GNAL: variants seen among roughly 807,000 people sequenced by gnomAD.
GNAL encodes guanine nucleotide-binding protein G(olf) subunit alpha.
A neutral mutation model predicts 55.1 loss-of-function variants in GNAL; 18 were observed. The observed-to-expected ratio is 0.33, with a 90% CI of 0.23 to 0.48. The LOEUF is 0.48. GNAL is among the 20% of genes least tolerant of loss of function. The probability of loss-of-function intolerance (pLI) is 0.99; values close to 1 mark genes in which losing one functional copy is unlikely to be tolerated. For missense variants in GNAL, 412 were observed against 614.1 expected (o/e 0.67, Z 3.48); for synonymous variants, 253 against 237.0 (o/e 1.07, Z -0.62).
intron 4 of GNAL, among the ~76,000 whole-genome samples, chr18:11,793,942 T>G (rs2034308418): frequency 6.6e-6 from 1 of 150,666 alleles, no homozygotes; most frequent in Non-Finnish European, 1.5e-5. Flanking sequence ...ACAAAGGACT[T>G]GCTTAGCATT....
Position 11,759,172 on chromosome 18 carries a change from C to CA in GNAL, c.624+5236dup, listed in dbSNP as rs1257490104. Among the ~76,000 whole-genome samples the CA allele has an allele frequency of 5.8e-3, 792 of 137,354 alleles. 11 individuals carry two copies. Among genetic ancestry groups the CA allele is most frequent in the African/African-American group, 0.022 (734 of 33,636 alleles). 90.1% of individuals were successfully genotyped at this position (137,354 alleles called of 152,430 possible). The stretch of plus-strand genomic sequence containing the variant: ...TGGGCAACAGAGCGAGACTCCGTCT[C>CA]AAAAAAAAACAAAAAGGAAGAAAAG... On this transcript the variant is annotated intron_variant, in intron 4 of 11. Transcript: ENST00000334049.
intron 1 of GNAL, among the ~76,000 whole-genome samples, chr18:11,748,038 G>A (rs1262266501): frequency 6.6e-6 from 1 of 152,214 alleles, no homozygotes; most frequent in East Asian, 1.9e-4. Flanking sequence ...CAGGTGGCCA[G>A]CTGGTACACC....
chr18:11,690,036 G>C (rs1239042137), intron 1 of GNAL, 97 bp downstream of exon 1: 3 of 669,510 alleles, frequency 4.5e-6, no homozygotes, highest in Non-Finnish European at 4.1e-6. Context: ...GCACCGGGGA[G>C]CGGCGGCGGG....
chr18:11,742,601 G>A (rs778478232), intron 1 of GNAL, among the ~76,000 whole-genome samples: 1 of 152,208 alleles, frequency 6.6e-6, no homozygotes, highest in Admixed American at 6.5e-5. Context: ...ATGCTCACCC[G>A]ACCTCTGAGA....
intron 1 of GNAL, among the ~76,000 whole-genome samples, chr18:11,723,351 G>A (rs1478334706): frequency 1.3e-5 from 2 of 151,972 alleles, no homozygotes; most frequent in African/African-American, 4.8e-5. Flanking sequence ...TTGTTATTTT[G>A]CAACCATTTA....
chr18:11,811,318 T>C, intron 4 of GNAL: 1 of 154,176 alleles, frequency 6.5e-6, no homozygotes. Flanking sequence ...CCTTTGTCTT[T>C]CCAGCCTCTT....
chr18:11,798,329 G>GT (rs1336522138), intron 4 of GNAL, among the ~76,000 whole-genome samples: 1 of 152,178 alleles, frequency 6.6e-6, no homozygotes, highest in Non-Finnish European at 1.5e-5. Flanking sequence ...TTGGGTTAGT[G>GT]TTACATTCTC....
intron 1 of GNAL, among the ~76,000 whole-genome samples, chr18:11,723,430 G>C (rs2032143543): frequency 6.6e-6 from 1 of 152,192 alleles, no homozygotes. Context: ...CACAGGCCTT[G>C]GTTTGCTAAT....
chr18:11,841,542 G>T (rs1457797219), intron 5 of GNAL, among the ~76,000 whole-genome samples: 1 of 151,722 alleles, frequency 6.6e-6, no homozygotes, highest in Non-Finnish European at 1.5e-5. Context: ...CTACTCTGGA[G>T]GCTAAGGCAG....
intron 4 of GNAL, among the ~76,000 whole-genome samples, chr18:11,768,602 G>GAA (rs141852297): frequency 7.5e-6 from 1 of 133,052 alleles, no homozygotes; most frequent in Non-Finnish European, 1.6e-5. Context: ...ACTCCATCTC[G>GAA]AAAAAAAAAA....
At chr18:11,769,216 G>T (rs899029981) in intron 4 of GNAL, among the ~76,000 whole-genome samples, 1 of 143,124 alleles carries the variant, frequency 7.0e-6, no homozygotes, top group Non-Finnish European at 1.5e-5. Flanking sequence ...TATATAATGT[G>T]TAATATAAAA....
intron 4 of GNAL, among the ~76,000 whole-genome samples, chr18:11,784,345 A>C (rs930363866): frequency 6.6e-6 from 1 of 152,200 alleles, no homozygotes; most frequent in Admixed American, 6.5e-5. Flanking sequence ...ATGGGGAATG[A>C]AACCAACCAC....
At position 11,882,848 on chromosome 18, in the gene GNAL, A is replaced by AAAT. The variant is rs2143967319; in HGVS notation, c.*1715_*1717dup. 1 of 152,330 alleles carries AAAT rather than the reference A, an allele frequency of 6.6e-6. No homozygotes were observed. The highest frequency in any genetic ancestry group is 2.1e-4 in the South Asian group (1 of 4,830). The allele number at this position is 152,330 out of a possible 1,614,324, so 9.4% of individuals were successfully genotyped here. A position where few individuals can be genotyped will look rare whatever the true frequency, so the allele number is the denominator to read the frequency against. ...TCTTTCTCACACTTGCAAGACTTAC[A>AAAT]AATACAGCCTCAAACATTATGACAC... On this transcript the variant is annotated 3_prime_UTR_variant, in exon 12 of 12. Coordinates refer to ENST00000334049, the MANE Select transcript of GNAL (RefSeq NM_182978.4).
intron 10 of GNAL, 143 bp from the exon 11 acceptor site, chr18:11,876,478 C>T (rs2036535282): frequency 4.7e-6 from 3 of 634,846 alleles, no homozygotes; most frequent in East Asian, 5.4e-5. Flanking sequence ...AAAAAAAGTA[C>T]ATGTTTGTTT....
intron 1 of GNAL, among the ~76,000 whole-genome samples, chr18:11,700,533 G>A (rs2031541813): frequency 6.6e-6 from 1 of 152,196 alleles, no homozygotes; most frequent in South Asian, 2.1e-4. Context: ...GCCACTGAAG[G>A]CACGAGTTAG....
chr18:11,710,610 T>C (rs764064157), intron 1 of GNAL, among the ~76,000 whole-genome samples: 2 of 150,534 alleles, frequency 1.3e-5, no homozygotes, highest in Non-Finnish European at 2.9e-5. Context: ...CCCTCAACTT[T>C]TGTTTGGGAA....
At position 11,751,866 on chromosome 18, in the gene GNAL, C is replaced by A. The variant is rs1486754378; in HGVS notation, c.377-987C>A. The stretch of plus-strand genomic sequence containing the variant: ...CCGGGATCCCAGACCAGGGAGGGGG[C>A]GCACGTCCGACGGCTGAGGAATAGC... On this transcript the variant is annotated intron_variant, in intron 1 of 11. Transcript: ENST00000334049. The surrounding 1 kb of genome is among the most constrained non-coding windows in gnomAD (Gnocchi z 4.5). 1.3e-5 allele frequency among the ~76,000 whole-genome samples: 2 copies of A among 152,184 alleles called. No individual in the cohort carries two copies. Among genetic ancestry groups the A allele is most frequent in the Non-Finnish European group, 2.9e-5 (2 of 68,008 alleles).
At chr18:11,794,277 A>G (rs1298409937) in intron 4 of GNAL, among the ~76,000 whole-genome samples, 2 of 152,246 alleles carry the variant, frequency 1.3e-5, no homozygotes, top group Non-Finnish European at 2.9e-5. Flanking sequence ...CGTATCTCAC[A>G]TTAATGTTGA....
In GNAL at chr18:11,773,545, C is replaced by T. The variant is rs145772176; in HGVS notation, c.624+19600C>T. On this transcript the variant is annotated intron_variant, in intron 4 of 11. Transcript: ENST00000334049. The stretch of plus-strand genomic sequence containing the variant: ...CTTGGGGAGTCCGAGGTTGGAGGAA[C>T]GCTTGAGTGCAGGAGTTCAAGACCA... Among the ~76,000 whole-genome samples the T allele has an allele frequency of 5.8e-3, 881 of 152,156 alleles. 9 individuals carry two copies. Among genetic ancestry groups the T allele is most frequent in the African/African-American group, 0.02 (827 of 41,514 alleles).
Sources: gnomAD v4.1 joint callset for allele counts (sites outside exome capture counted in the v4.1 genomes callset) on GRCh38, gnomAD v4.1.1 for gene constraint, Gnocchi (gnomAD v3.1) non-coding constraint, MANE v1.5 for transcripts, NCBI Gene and HGNC (gene_info 2026-07-23, HGNC 2026-07-21) for gene names.